UBASH3B: variants seen among roughly 807,000 people sequenced by gnomAD.
UBASH3B encodes the protein ubiquitin-associated and SH3 domain-containing protein B.
In UBASH3B, 37 loss-of-function variants were observed where a neutral mutation model predicts 83.4. The observed-to-expected ratio is 0.44, with a 90% confidence interval of 0.34 to 0.58. UBASH3B has a LOEUF of 0.58. UBASH3B is among the 20% of genes least tolerant of loss of function. The pLI, the probability that UBASH3B is intolerant of heterozygous loss-of-function variation, is 0.01. For missense variants in UBASH3B, 657 were observed against 827.2 expected (o/e 0.79, Z 2.52); for synonymous variants, 304 against 318.3 (o/e 0.96, Z 0.48).
intron 1 of UBASH3B, among the ~76,000 whole-genome samples, chr11:122,713,346 T>C (rs1032932569): frequency 2.0e-5 from 3 of 152,078 alleles, no homozygotes; most frequent in African/African-American, 7.2e-5. Context: ...TAAAAAGCCA[T>C]GTGGTCAGCT....
At chr11:122,735,870 A>T (rs1465353172) in intron 1 of UBASH3B, among the ~76,000 whole-genome samples, 3 of 152,186 alleles carry the variant, frequency 2.0e-5, no homozygotes, top group Non-Finnish European at 4.4e-5. Context: ...AGATTTGGAC[A>T]CCATCATGGA....
At chr11:122,699,129 C>T (rs755828915) in intron 1 of UBASH3B, among the ~76,000 whole-genome samples, 1 of 152,168 alleles carries the variant, frequency 6.6e-6, no homozygotes, top group East Asian at 1.9e-4. Context: ...GGATTCCAGG[C>T]GTGAGCCACT....
chr11:122,671,921 T>A (rs984791589), intron 1 of UBASH3B, among the ~76,000 whole-genome samples: 1 of 152,108 alleles, frequency 6.6e-6, no homozygotes, highest in African/African-American at 2.4e-5. Context: ...TTTTTTGTTG[T>A]TTGGTTTTTT....
chr11:122,739,306 T>C (rs1029436244), intron 1 of UBASH3B, among the ~76,000 whole-genome samples: 2 of 152,200 alleles, frequency 1.3e-5, no homozygotes, highest in Non-Finnish European at 2.9e-5. Context: ...AGAAAAGAGC[T>C]GTCCACAGTG....
At chr11:122,662,126 C>T (rs1322556079) in intron 1 of UBASH3B, among the ~76,000 whole-genome samples, 2 of 151,938 alleles carry the variant, frequency 1.3e-5, no homozygotes, top group African/African-American at 2.4e-5. Context: ...AGGCTGGTCT[C>T]GAACTCCTGA....
At chr11:122,791,248 G>A (rs1591815666) in intron 6 of UBASH3B, among the ~76,000 whole-genome samples, 1 of 152,312 alleles carries the variant, frequency 6.6e-6, no homozygotes, top group East Asian at 1.9e-4. Context: ...TTTGAGACTG[G>A]ATTCCAATAG....
At chr11:122,713,396 T>A (rs189151614) in intron 1 of UBASH3B, among the ~76,000 whole-genome samples, 1 of 152,114 alleles carries the variant, frequency 6.6e-6, no homozygotes, top group Admixed American at 6.5e-5. Flanking sequence ...AAATCATGGA[T>A]CTCACCCACC....
At chr11:122,807,929 T>C (rs1230259233) in intron 12 of UBASH3B, 138 bp from the exon 13 acceptor site, 6 of 710,210 alleles carry the variant, frequency 8.4e-6, no homozygotes, top group Middle Eastern at 2.9e-4. Context: ...AACAAAGCAC[T>C]TTCAAAATAT....
At chr11:122,763,369 C>T (rs1165490667) in intron 1 of UBASH3B, among the ~76,000 whole-genome samples, 3 of 152,152 alleles carry the variant, frequency 2.0e-5, no homozygotes, top group South Asian at 2.1e-4. Context: ...ATAAAAACAT[C>T]GGGAAACCTA....
intron 9 of UBASH3B, among the ~76,000 whole-genome samples, chr11:122,797,981 T>C (rs950288738): frequency 2.6e-5 from 4 of 152,106 alleles, no homozygotes; most frequent in African/African-American, 9.7e-5. Context: ...TTTAATCCAG[T>C]AGACAAAATA....
At chr11:122,739,267 G>A (rs1036414022) in intron 1 of UBASH3B, among the ~76,000 whole-genome samples, 2 of 152,206 alleles carry the variant, frequency 1.3e-5, no homozygotes, top group Admixed American at 1.3e-4. Context: ...ACAATAGAGA[G>A]AAGTATGGAT....
At chr11:122,699,915 T>C (rs1864020676) in intron 1 of UBASH3B, among the ~76,000 whole-genome samples, 1 of 152,194 alleles carries the variant, frequency 6.6e-6, no homozygotes, top group African/African-American at 2.4e-5. Flanking sequence ...TCTTGTAATC[T>C]ATTAAGGTTT....
intron 1 of UBASH3B, among the ~76,000 whole-genome samples, chr11:122,763,135 G>A (rs1860473815): frequency 6.6e-6 from 1 of 152,142 alleles, no homozygotes; most frequent in South Asian, 2.1e-4. Flanking sequence ...GTGCCCCTGT[G>A]CAAAAACTCA....
intron 4 of UBASH3B, 89 bp from the exon 5 acceptor site, chr11:122,782,964 C>A: frequency 6.9e-7 from 1 of 1,457,166 alleles, no homozygotes; most frequent in South Asian, 1.4e-5. Flanking sequence ...CAGAATTTCT[C>A]AGGGTACCTT....
chr11:122,685,683 A>T (rs934694376), intron 1 of UBASH3B, among the ~76,000 whole-genome samples: 15 of 151,716 alleles, frequency 9.9e-5, no homozygotes, highest in Admixed American at 8.6e-4. Context: ...TGCCCAGCTA[A>T]TTTTTTTTAT....
intron 1 of UBASH3B, among the ~76,000 whole-genome samples, chr11:122,745,480 C>G (rs1452138222): frequency 6.6e-6 from 1 of 152,192 alleles, no homozygotes; most frequent in Non-Finnish European, 1.5e-5. Context: ...GTACATGTGA[C>G]AGGTGCTGAA....
Position 122,759,915 on chromosome 11 carries a change from A to G in UBASH3B, c.162-16304A>G, listed in dbSNP as rs1002073460. Among the ~76,000 whole-genome samples, 6 of 152,228 alleles carry G rather than the reference A, an allele frequency of 3.9e-5. No homozygotes were observed. The highest frequency in any genetic ancestry group is 1.4e-4 in the African/African-American group (6 of 41,458). ...CACAAGTGATTCCATCACCTTTGCCATATAGAGGTAAGTCATAGGTCTCAC... is the reference window on the plus strand; with the variant it reads ...CACAAGTGATTCCATCACCTTTGCCGTATAGAGGTAAGTCATAGGTCTCAC... On this transcript the variant is annotated intron_variant, in intron 1 of 13. Coordinates refer to ENST00000284273, the MANE Select transcript of UBASH3B (RefSeq NM_032873.5). This position sits in a 1 kb window ranked among gnomAD's most constrained non-coding sequence, Gnocchi z 4.1.
intron 1 of UBASH3B, among the ~76,000 whole-genome samples, chr11:122,753,094 T>A (rs1280875217): frequency 6.7e-6 from 1 of 148,868 alleles, no homozygotes; most frequent in South Asian, 2.1e-4. Flanking sequence ...CCTAGGAAAA[T>A]ACATATGAAT....
intron 1 of UBASH3B, among the ~76,000 whole-genome samples, chr11:122,719,576 C>T (rs1169856510): frequency 6.6e-6 from 1 of 152,178 alleles, no homozygotes; most frequent in Non-Finnish European, 1.5e-5. Flanking sequence ...GTCAAGGAGC[C>T]TCCCAGCAAA....
Sources: allele counts gnomAD v4.1 joint callset (sites outside exome capture counted in the v4.1 genomes callset), GRCh38; gene constraint gnomAD v4.1.1; non-coding constraint Gnocchi (gnomAD v3.1); transcripts MANE v1.5; gene names NCBI Gene and HGNC (gene_info 2026-07-23, HGNC 2026-07-21).